GRID2: variants seen among roughly 807,000 people sequenced by gnomAD.
GRID2 encodes the protein glutamate ionotropic receptor delta type subunit 2.
In GRID2, 33 loss-of-function variants were observed where a neutral mutation model predicts 114.8. That is an observed-to-expected ratio of 0.29 (90% CI 0.22 to 0.38). The LOEUF (loss-of-function observed/expected upper bound fraction) is 0.38. Among genes scored for constraint, GRID2 ranks in the 10% least tolerant of loss-of-function variants. GRID2 has a pLI of 1.00. For synonymous variants in GRID2, 505 were observed against 449.9 expected (o/e 1.12, Z -1.55); for missense variants, 1,184 against 1,257.7 (o/e 0.94, Z 0.89).
intron 13 of GRID2, among the ~76,000 whole-genome samples, chr4:93,544,374 CATG>C (rs1578226954): frequency 1.3e-5 from 2 of 152,088 alleles, no homozygotes; most frequent in Non-Finnish European, 2.9e-5. Flanking sequence ...AATTATACAT[CATG>C]ATAATTATAG....
intron 8 of GRID2, among the ~76,000 whole-genome samples, chr4:93,326,318 C>T (rs1304566452): frequency 1.3e-5 from 2 of 152,162 alleles, no homozygotes; most frequent in Non-Finnish European, 2.9e-5. Flanking sequence ...CTACAGATAC[C>T]TTATCCTCAA....
At chr4:92,424,137 C>G (rs2110329507) in intron 1 of GRID2, among the ~76,000 whole-genome samples, 1 of 152,158 alleles carries the variant, frequency 6.6e-6, no homozygotes, top group South Asian at 2.1e-4. Context: ...CAGTTTTATA[C>G]AAGTTCTTAA....
chr4:93,264,709 G>GATAT (rs70942961), intron 8 of GRID2, among the ~76,000 whole-genome samples: 15 of 132,914 alleles, frequency 1.1e-4, no homozygotes, highest in African/African-American at 3.3e-4. Flanking sequence ...AGTTTTGAAT[G>GATAT]ATATATATAT....
Position 93,585,104 on chromosome 4 carries a change from G to C in GRID2, c.2194-41165G>C, listed in dbSNP as rs190802271. Among the ~76,000 whole-genome samples the C allele has an allele frequency of 7.2e-5, 11 of 152,134 alleles. No homozygotes were observed. The East Asian group carries it at 1.9e-3, about 27-fold the overall frequency. ...AGCATCCCAAAAAACTGTTACCTTG[G>C]CCTTTGCTATTACCAGTCCACTTTT... On this transcript the variant is annotated intron_variant, in intron 13 of 15. Transcript: ENST00000282020.
intron 11 of GRID2, among the ~76,000 whole-genome samples, chr4:93,462,815 C>T (rs11097366): frequency 0.24 from 36,612 of 151,952 alleles, 5,428 homozygotes; most frequent in Non-Finnish European, 0.34. Context: ...GTAGCTAAAG[C>T]CATTTCTTTA....
At chr4:92,774,851 C>A (rs1738714610) in intron 2 of GRID2, among the ~76,000 whole-genome samples, 1 of 152,012 alleles carries the variant, frequency 6.6e-6, no homozygotes, top group Admixed American at 6.6e-5. Context: ...TCACCATGGC[C>A]TCCCACCACA....
intron 1 of GRID2, among the ~76,000 whole-genome samples, chr4:92,501,143 C>A (rs995085719): frequency 1.3e-5 from 2 of 152,044 alleles, no homozygotes; most frequent in African/African-American, 4.8e-5. Context: ...GGAATGCATT[C>A]GGGAATTCTC....
chr4:93,518,235 GT>G (rs1729998458), intron 13 of GRID2, among the ~76,000 whole-genome samples: 1 of 151,510 alleles, frequency 6.6e-6, no homozygotes, highest in Admixed American at 6.6e-5. Flanking sequence ...GTCTCATTAA[GT>G]TTCTCTTACT....
exon 2 of GRID2, chr4:93,809,147 A>C (rs1735086573): frequency 6.6e-6 from 1 of 152,096 alleles, no homozygotes; most frequent in African/African-American, 2.4e-5. Context: ...CAAACACACA[A>C]ACATCCACAC....
At chr4:92,491,296 A>G (rs1471257403) in intron 1 of GRID2, among the ~76,000 whole-genome samples, 3 of 152,160 alleles carry the variant, frequency 2.0e-5, no homozygotes, top group African/African-American at 7.2e-5. Context: ...AAGGGGTCTT[A>G]GATAATATCA....
At chr4:92,541,260 T>C (rs1291393859) in intron 1 of GRID2, among the ~76,000 whole-genome samples, 1 of 151,780 alleles carries the variant, frequency 6.6e-6, no homozygotes, top group African/African-American at 2.4e-5. Flanking sequence ...ACCTGCACAT[T>C]GTGCACATGT....
intron 8 of GRID2, among the ~76,000 whole-genome samples, chr4:93,352,325 A>G (rs990351096): frequency 6.6e-6 from 1 of 152,040 alleles, no homozygotes; most frequent in Admixed American, 6.6e-5. Flanking sequence ...ATTTTAAAAA[A>G]CCTATTAAAG....
At chr4:92,452,121 A>G (rs1720957484) in intron 1 of GRID2, among the ~76,000 whole-genome samples, 1 of 152,186 alleles carries the variant, frequency 6.6e-6, no homozygotes, top group African/African-American at 2.4e-5. Flanking sequence ...GTCATGGCAT[A>G]CATCATTGTG....
chr4:92,953,073 C>G (rs1752146101), intron 2 of GRID2, among the ~76,000 whole-genome samples: 1 of 152,130 alleles, frequency 6.6e-6, no homozygotes, highest in Non-Finnish European at 1.5e-5. Context: ...CCACATTTCC[C>G]TCTTCTTAGT....
intron 2 of GRID2, among the ~76,000 whole-genome samples, chr4:93,000,438 T>A (rs1489900594): frequency 6.6e-6 from 1 of 151,570 alleles, no homozygotes; most frequent in Non-Finnish European, 1.5e-5. Flanking sequence ...CCTCTTGCCC[T>A]TTCTGGCAGA....
At chr4:92,712,335 A>G (rs1355342004) in intron 2 of GRID2, among the ~76,000 whole-genome samples, 1 of 152,132 alleles carries the variant, frequency 6.6e-6, no homozygotes, top group African/African-American at 2.4e-5. Flanking sequence ...TTTAGTGAAC[A>G]ATTTTTTAAA....
At chr4:92,805,140 G>T (rs1740349271) in intron 2 of GRID2, among the ~76,000 whole-genome samples, 1 of 151,858 alleles carries the variant, frequency 6.6e-6, no homozygotes. Flanking sequence ...GATTAAATTT[G>T]CTTATGTTTA....
At chr4:92,625,833 A>C (rs1453944293) in intron 2 of GRID2, among the ~76,000 whole-genome samples, 1 of 151,978 alleles carries the variant, frequency 6.6e-6, no homozygotes, top group African/African-American at 2.4e-5. Context: ...ATGTTTGAAA[A>C]ATACAAAAAA....
At chr4:92,634,957 A>G (rs1256950790) in intron 2 of GRID2, among the ~76,000 whole-genome samples, 1 of 151,982 alleles carries the variant, frequency 6.6e-6, no homozygotes, top group Non-Finnish European at 1.5e-5. Context: ...GCTGCAATAA[A>G]GAAGCTTTCC....
Sources: allele counts gnomAD v4.1 joint callset (sites outside exome capture counted in the v4.1 genomes callset), GRCh38; gene constraint gnomAD v4.1.1; transcripts MANE v1.5; gene names NCBI Gene and HGNC (gene_info 2026-07-23, HGNC 2026-07-21).